ST6GALNAC2: variants seen among roughly 807,000 people sequenced by gnomAD.
The protein encoded by ST6GALNAC2 is alpha-N-acetylgalactosaminide alpha-2,6-sialyltransferase 2.
In ST6GALNAC2, 42 loss-of-function variants were observed where a neutral mutation model predicts 38.7. That is an observed-to-expected ratio of 1.09 (90% CI 0.85 to 1.40). ST6GALNAC2 has a LOEUF of 1.40. ST6GALNAC2 is among the 40% of genes most tolerant of loss of function. The pLI, the probability that ST6GALNAC2 is intolerant of heterozygous loss-of-function variation, is 0.00. For synonymous variants in ST6GALNAC2, 233 were observed against 209.0 expected, an observed-to-expected ratio of 1.11 and a Z score of -0.99; for missense variants, 506 against 481.7, an observed-to-expected ratio of 1.05 and a Z score of -0.47.
At chr17:76,569,421 G>A (rs1038349206) in intron 6 of ST6GALNAC2, 6 of 385,022 alleles carry the variant, frequency 1.6e-5, no homozygotes, top group Middle Eastern at 6.6e-4. Flanking sequence ...GGGCAGCCCC[G>A]CGGGGCACGT....
At chr17:76,569,841 G>A in intron 6 of ST6GALNAC2, 1 of 236,956 alleles carries the variant, frequency 4.2e-6, no homozygotes. Flanking sequence ...CTCTGTGGGG[G>A]GTGGGGAAGA....
Position 76,568,709 on chromosome 17 carries a change from G to T in ST6GALNAC2, c.857+4C>A. 2 of 1,613,646 alleles carry T rather than the reference G, an allele frequency of 1.2e-6. No homozygotes were observed. Among genetic ancestry groups the T allele is most frequent in the Non-Finnish European group, 1.7e-6 (2 of 1,179,888 alleles). On this transcript the variant is annotated splice_donor_region_variant and intron_variant, in intron 7 of 8. Transcript: ENST00000225276. ...CGCTGTTCTTCAGGCACCCCACTCC[G>T]TACCTTTCTGTCAGGTAGCTGATGA... is the stretch of plus-strand genomic sequence containing the variant.
At chr17:76,567,622 C>T in intron 7 of ST6GALNAC2, 70 bp from the exon 8 acceptor site, 1 of 1,070,636 alleles carries the variant, frequency 9.3e-7, no homozygotes. Flanking sequence ...ACTACACATT[C>T]AAATAGGTGG....
intron 1 of ST6GALNAC2, among the ~76,000 whole-genome samples, chr17:76,580,202 C>T (rs900384317): frequency 1.3e-5 from 2 of 152,138 alleles, no homozygotes; most frequent in African/African-American, 4.8e-5. Flanking sequence ...GGGTGGATCA[C>T]GAGGTCAGGA....
At chr17:76,575,997 G>A (rs778664217) in intron 2 of ST6GALNAC2, among the ~76,000 whole-genome samples, 15 of 152,336 alleles carry the variant, frequency 9.8e-5, no homozygotes, top group South Asian at 4.1e-4. Flanking sequence ...TAATGCCAGC[G>A]CTTTGGGAGG....
In ST6GALNAC2 at chr17:76,573,159, TCCC is replaced by T; in HGVS notation, c.530+33_530+35del. ...GACACCCCCACCCTCCAGGCAACTC[TCCC>T]TCCCGCCCCTCCCCAGCTCCTACCC... On this transcript the variant is annotated intron_variant, in intron 4 of 8. Coordinates refer to ENST00000225276, the MANE Select transcript of ST6GALNAC2 (RefSeq NM_006456.3). The surrounding 1 kb of genome is among the most constrained non-coding windows in gnomAD (Gnocchi z 5.1). The T allele has an allele frequency of 1.3e-6, 2 of 1,530,318 alleles. No homozygotes were observed. The highest frequency in any genetic ancestry group is 1.8e-6 in the Non-Finnish European group (2 of 1,120,826). The allele number at this position is 1,530,318 out of a possible 1,614,324, so 94.8% of individuals were successfully genotyped here. A position where few individuals can be genotyped will look rare whatever the true frequency, so the allele number is the denominator to read the frequency against.
intron 1 of ST6GALNAC2, among the ~76,000 whole-genome samples, chr17:76,584,621 C>T (rs1175801943): frequency 6.6e-6 from 1 of 152,152 alleles, no homozygotes; most frequent in Non-Finnish European, 1.5e-5. Flanking sequence ...GGACTACAGG[C>T]GTTAAGTCAC....
In ST6GALNAC2 at chr17:76,578,351, G is replaced by A. The variant is rs112020266; in HGVS notation, c.186+405C>T. Among the ~76,000 whole-genome samples the A allele has an allele frequency of 2.0e-3, 311 of 152,288 alleles. 1 individual carries two copies. The highest frequency in any genetic ancestry group is 7.3e-3 in the African/African-American group (302 of 41,568). On this transcript the variant is annotated intron_variant, in intron 2 of 8. Transcript: ENST00000225276. ...TACGGTTATAAGGCAGGGCCCTGAAGCTTCTCAAACCTTCTGGGCAAGCAA... is the reference window on the plus strand; with the variant it reads ...TACGGTTATAAGGCAGGGCCCTGAAACTTCTCAAACCTTCTGGGCAAGCAA...
intron 2 of ST6GALNAC2, among the ~76,000 whole-genome samples, chr17:76,576,720 C>T (rs2075419704): frequency 6.6e-6 from 1 of 152,100 alleles, no homozygotes; most frequent in South Asian, 2.1e-4. Context: ...CCTATAATCC[C>T]AGCACTTTGG....
chr17:76,568,654 G>A (rs963246849), intron 7 of ST6GALNAC2, 59 bp downstream of exon 7: 48 of 1,547,768 alleles, frequency 3.1e-5, no homozygotes, highest in Non-Finnish European at 4.0e-5. Flanking sequence ...CTGGATGTGG[G>A]TGGGTGTGTA....
rs2075275121 is a variant in ST6GALNAC2 at position 76,565,939 on chromosome 17, C to T, written c.*165G>A. 3.1e-6 allele frequency: 2 copies of T among 652,498 alleles called. No individual in the cohort carries two copies. Among genetic ancestry groups the T allele is most frequent in the Non-Finnish European group, 5.1e-6 (2 of 392,540 alleles). 40.4% of individuals were successfully genotyped at this position (652,498 alleles called of 1,614,324 possible). A position where few individuals can be genotyped will look rare whatever the true frequency, so the allele number is the denominator to read the frequency against. On this transcript the variant is annotated 3_prime_UTR_variant, in exon 9 of 9. Coordinates refer to ENST00000225276, the MANE Select transcript of ST6GALNAC2 (RefSeq NM_006456.3). ...AGTTCTTGGATGAGCCAAGGACAAG[C>T]TGGGGTGTCCTATATTGAACAGACC...
chr17:76,569,580 G>A (rs930032650), intron 6 of ST6GALNAC2: 6 of 396,694 alleles, frequency 1.5e-5, no homozygotes, highest in Admixed American at 1.3e-4. Flanking sequence ...GGGTGACAAT[G>A]TTGTTGGAAC....
In ST6GALNAC2 at chr17:76,573,287, T is replaced by C. The variant is rs2075375244; in HGVS notation, c.438A>G (p.Pro146=). ...KLFAPPRDTP[P]KCIRCAVVGN... ...CCACCACGGCACACCGGATACACTTTGGAGGGGTGTCCCTGGGCGGGGCAA... is the reference window on the plus strand; with the variant it reads ...CCACCACGGCACACCGGATACACTTCGGAGGGGTGTCCCTGGGCGGGGCAA... Residue 146 remains proline (P), a synonymous_variant, in exon 4 of 9, where the codon CCA becomes CCG. Transcript: ENST00000225276. This position sits in a 1 kb window ranked among gnomAD's most constrained non-coding sequence, Gnocchi z 5.1. 1.9e-6 allele frequency: 3 copies of C among 1,607,950 alleles called. No homozygotes were observed. Among genetic ancestry groups the C allele is most frequent in the South Asian group, 2.2e-5 (2 of 89,882 alleles).
At chr17:76,580,719 C>A (rs1483291728) in intron 1 of ST6GALNAC2, among the ~76,000 whole-genome samples, 23 of 110,568 alleles carry the variant, frequency 2.1e-4, no homozygotes, top group South Asian at 2.7e-4. Flanking sequence ...GACTCCATCT[C>A]AAAAAAAAAA....
At chr17:76,578,682 C>T (rs894589335) in intron 2 of ST6GALNAC2, 74 bp downstream of exon 2, 25 of 1,388,444 alleles carry the variant, frequency 1.8e-5, no homozygotes, top group East Asian at 1.2e-4. Context: ...AGAGTGTTCT[C>T]GTTTGCTCTT....
chr17:76,572,756 T>G lies in ST6GALNAC2; in HGVS notation c.550A>C (p.Lys184Gln). The part of the protein sequence containing the change: ...YVFRLNGAVI[K>Q]GFERDVGTKT... ...GTGCCCACATCGCGCTCGAAGCCTTTGATCACAGCTCCATTGAGTCTGGTT... is the reference window on the plus strand; with the variant it reads ...GTGCCCACATCGCGCTCGAAGCCTTGGATCACAGCTCCATTGAGTCTGGTT... The change falls in exon 5 of 9, where the codon AAA becomes CAA. Residue 184 changes from lysine to glutamine, a missense_variant. Transcript: ENST00000225276. 1 of 1,614,198 alleles carries G rather than the reference T, an allele frequency of 6.2e-7. No individual in the cohort carries two copies. Among genetic ancestry groups the G allele is most frequent in the Non-Finnish European group, 8.5e-7 (1 of 1,180,026 alleles).
intron 1 of ST6GALNAC2, among the ~76,000 whole-genome samples, chr17:76,583,942 G>A (rs1252358055): frequency 6.8e-6 from 1 of 146,562 alleles, no homozygotes; most frequent in African/African-American, 2.5e-5. Context: ...CGAGTAGCTG[G>A]GACTACAGGT....
chr17:76,582,704 C>T (rs1243794184), intron 1 of ST6GALNAC2, among the ~76,000 whole-genome samples: 1 of 152,224 alleles, frequency 6.6e-6, no homozygotes, highest in East Asian at 1.9e-4. Flanking sequence ...GCTCTGTAGA[C>T]CCTGTCCCAG....
At chr17:76,569,875 A>G (rs974735737) in intron 6 of ST6GALNAC2, 13 of 297,042 alleles carry the variant, frequency 4.4e-5, no homozygotes, top group African/African-American at 2.8e-4. Flanking sequence ...ACGCCGAGAT[A>G]GGAGGGCTGG....
Sources: gnomAD v4.1 joint callset for allele counts (sites outside exome capture counted in the v4.1 genomes callset) on GRCh38, gnomAD v4.1.1 for gene constraint, Gnocchi (gnomAD v3.1) non-coding constraint, MANE v1.5 for transcripts, NCBI Gene and HGNC (gene_info 2026-07-23, HGNC 2026-07-21) for gene names.